Variants in NUP160 observed in about 807,000 individuals in gnomAD.
The protein encoded by NUP160 is nucleoporin 160.
Under a neutral mutation model 196.9 loss-of-function variants are expected in NUP160, and 94 were observed. The observed-to-expected ratio is 0.48, with a 90% CI of 0.40 to 0.57. The LOEUF (loss-of-function observed/expected upper bound fraction) is 0.57, where lower values mean the gene tolerates loss of function less well. Ranked by LOEUF, NUP160 falls within the 20% of genes least tolerant of loss-of-function variation. The pLI is 0.00. For synonymous variants in NUP160, 605 were observed against 619.7 expected, an observed-to-expected ratio of 0.98 and a Z score of 0.35; for missense variants, 1,638 against 1,748.3, an observed-to-expected ratio of 0.94 and a Z score of 1.13.
exon 7 of NUP160, chr11:47,835,687 G>A (rs1255309994): frequency 6.2e-7 from 1 of 1,602,214 alleles, no homozygotes; most frequent in Admixed American, 1.7e-5. Flanking sequence ...ATATCCCCAG[G>A]TAGAGTCCCA....
At chr11:47,811,582 A>C (rs150910881) in intron 17 of NUP160, among the ~76,000 whole-genome samples, 65 of 152,292 alleles carry the variant, frequency 4.3e-4, no homozygotes, top group Admixed American at 3.4e-3. Flanking sequence ...GTTACTAATA[A>C]TACTACATTT....
chr11:47,823,913 CT>C (rs1851911198), intron 7 of NUP160, among the ~76,000 whole-genome samples: 1 of 150,892 alleles, frequency 6.6e-6, no homozygotes, highest in African/African-American at 2.4e-5. Context: ...TGGATGGACA[CT>C]TGGGCTGCTT....
intron 20 of NUP160, among the ~76,000 whole-genome samples, chr11:47,805,724 GC>G (rs2097677137): frequency 6.6e-6 from 1 of 152,140 alleles, no homozygotes; most frequent in Non-Finnish European, 1.5e-5. Context: ...GGGATTACAG[GC>G]GTGAGCCACT....
At chr11:47,813,832 G>A (rs1346168521) in intron 13 of NUP160, among the ~76,000 whole-genome samples, 3 of 151,958 alleles carry the variant, frequency 2.0e-5, no homozygotes, top group African/African-American at 7.3e-5. Flanking sequence ...AGCACTTTGG[G>A]AGGCTGAAGT....
exon 27 of NUP160, chr11:47,797,844 A>G: frequency 6.2e-7 from 1 of 1,613,038 alleles, no homozygotes; most frequent in Non-Finnish European, 8.5e-7. Flanking sequence ...GTGAGTCATA[A>G]GGTCCACAGC....
At chr11:47,837,771 T>C in intron 4 of NUP160, 148 bp from the exon 5 acceptor site, 1 of 586,084 alleles carries the variant, frequency 1.7e-6, no homozygotes, top group South Asian at 2.2e-5. Context: ...TTCCTGCATA[T>C]ATCACACCTA....
intron 17 of NUP160, among the ~76,000 whole-genome samples, chr11:47,809,608 T>C (rs959919254): frequency 6.6e-6 from 1 of 151,238 alleles, no homozygotes; most frequent in African/African-American, 2.4e-5. Context: ...AATTAGCTGG[T>C]GTAGTGGTGC....
intron 33 of NUP160, among the ~76,000 whole-genome samples, chr11:47,784,033 AAAAACAAAAC>A (rs745778729): frequency 3.3e-5 from 5 of 151,966 alleles, no homozygotes; most frequent in African/African-American, 9.7e-5. Context: ...CAAAAACAAA[AAAAACAAAAC>A]AAAACAAAAC....
intron 2 of NUP160, among the ~76,000 whole-genome samples, chr11:47,845,773 G>A (rs752254883): frequency 2.0e-4 from 30 of 152,032 alleles, no homozygotes; most frequent in Non-Finnish European, 4.0e-4. Flanking sequence ...TGGCATGATC[G>A]GATCCTCCCA....
At chr11:47,839,786 T>C (rs1852257739) in intron 4 of NUP160, 57 bp downstream of exon 4, 10 of 1,409,416 alleles carry the variant, frequency 7.1e-6, no homozygotes, top group Non-Finnish European at 1.0e-5. Context: ...GGTTGAACTG[T>C]TTCAATGTTA....
chr11:47,845,855 G>A (rs1489785093), intron 2 of NUP160, among the ~76,000 whole-genome samples: 1 of 152,060 alleles, frequency 6.6e-6, no homozygotes, highest in African/African-American at 2.4e-5. Context: ...AAATCAGGCT[G>A]GACACGGTGG....
intron 12 of NUP160, 33 bp downstream of exon 12, chr11:47,815,913 G>T: frequency 6.6e-7 from 1 of 1,515,258 alleles, no homozygotes; most frequent in Non-Finnish European, 9.2e-7. Context: ...CAAGATGGAA[G>T]GAATTCTTAT....
At chr11:47,779,097 A>G in exon 36 of NUP160, 1 of 1,608,864 alleles carries the variant, frequency 6.2e-7, no homozygotes, top group Non-Finnish European at 8.5e-7. Context: ...GCTAGGTGAC[A>G]ATCCAAATCA....
At chr11:47,848,293 C>G in exon 1 of NUP160, 1 of 1,614,144 alleles carries the variant, frequency 6.2e-7, no homozygotes, top group Non-Finnish European at 8.5e-7. Context: ...CACGAAGCTC[C>G]GTTCCAGGGC....
At chr11:47,838,713 A>G (rs1852232647) in intron 4 of NUP160, among the ~76,000 whole-genome samples, 1 of 150,886 alleles carries the variant, frequency 6.6e-6, no homozygotes, top group African/African-American at 2.4e-5. Context: ...GTCTCAAAAG[A>G]AAGAAAGAAA....
chr11:47,813,867 C>G (rs920887491), intron 13 of NUP160, among the ~76,000 whole-genome samples: 2 of 151,660 alleles, frequency 1.3e-5, no homozygotes, highest in African/African-American at 2.4e-5. Flanking sequence ...GTCAGGGGAT[C>G]GAGACCATCC....
At chr11:47,835,630 T>C in intron 7 of NUP160, 21 bp downstream of exon 7, 1 of 1,536,650 alleles carries the variant, frequency 6.5e-7, no homozygotes, top group Non-Finnish European at 8.8e-7. Flanking sequence ...TAACTTGGTA[T>C]GTGTCTTATT....
chr11:47,793,778 T>A (rs2097669339), intron 27 of NUP160, among the ~76,000 whole-genome samples: 2 of 121,626 alleles, frequency 1.6e-5, no homozygotes, highest in African/African-American at 3.4e-5. Context: ...TTTGTTCTTG[T>A]TGCCAAAGGT....
chr11:47,808,543 G>A lies in NUP160; in HGVS notation c.2242-14C>T, dbSNP rs753833360. On this transcript the variant is annotated splice_polypyrimidine_tract_variant and intron_variant, in intron 17 of 35. Transcript: ENST00000378460. ...TCCCCAAATCACCTATACATTATGG[G>A]TAGGTGGACCAGACAAGAAATTATA... 1 of 1,607,712 alleles carries A rather than the reference G, an allele frequency of 6.2e-7. No individual in the cohort carries two copies. Among genetic ancestry groups the A allele is most frequent in the Admixed American group, 1.7e-5 (1 of 58,868 alleles).
Sources: allele counts gnomAD v4.1 joint callset (sites outside exome capture counted in the v4.1 genomes callset), GRCh38; gene constraint gnomAD v4.1.1; transcripts MANE v1.5; gene names NCBI Gene and HGNC (gene_info 2026-07-23, HGNC 2026-07-21).